Variants in SZT2 observed in about 807,000 individuals in gnomAD.
SZT2 encodes SZT2 subunit of KICSTOR complex.
A neutral mutation model predicts 404.2 loss-of-function variants in SZT2; 216 were observed. That is an observed-to-expected ratio of 0.53 (90% CI 0.48 to 0.60). The LOEUF is 0.60. Among genes scored for constraint, SZT2 ranks in the 20% least tolerant of loss-of-function variants. The pLI is 0.00. For missense variants in SZT2, 3,857 were observed against 4,459.2 expected (o/e 0.86, Z 3.85); for synonymous variants, 1,693 against 1,749.9 (o/e 0.97, Z 0.81).
chr1:43,451,294 A>T lies in SZT2; in HGVS notation c.*814A>T. On this transcript the variant is annotated 3_prime_UTR_variant, in exon 72 of 72. Coordinates refer to ENST00000634258, the MANE Select transcript of SZT2 (RefSeq NM_001365999.1). ...TCCCAGTATGAACGTAGCCAACTCA[A>T]GCCCTCTACTGTGTCTCCTGCAGGG... The T allele has an allele frequency of 6.2e-7, 1 of 1,613,980 alleles. No homozygotes were observed. Among genetic ancestry groups the T allele is most frequent in the South Asian group, 1.1e-5 (1 of 91,074 alleles).
At position 43,453,970 on chromosome 1, in the gene SZT2, G is replaced by A; in HGVS notation, c.*3490G>A. 1 of 1,192,674 alleles carries A rather than the reference G, an allele frequency of 8.4e-7. No individual in the cohort carries two copies. The highest frequency in any genetic ancestry group is 4.2e-5 in the South Asian group (1 of 24,078). The allele number at this position is 1,192,674 out of a possible 1,614,324, so 73.9% of individuals were successfully genotyped here. ...CGGGCCTTCACGAAAAGCGCCTACG[G>A]TTAGCGAGAGAGGGATCACGGGGAG... is the stretch of plus-strand genomic sequence containing the variant. On this transcript the variant is annotated 3_prime_UTR_variant, in exon 72 of 72. Coordinates refer to ENST00000634258, the MANE Select transcript of SZT2 (RefSeq NM_001365999.1).
chr1:43,421,050 C>T (rs928905460), intron 10 of SZT2, 67 bp downstream of exon 10: 56 of 1,592,448 alleles, frequency 3.5e-5, no homozygotes, highest in African/African-American at 8.0e-5. Context: ...TTTGCAAAGG[C>T]GGGAGCTGGG....
At position 43,439,950 on chromosome 1, in the gene SZT2, A is replaced by T. The variant is rs1306918506; in HGVS notation, c.7112A>T (p.Glu2371Val). The T allele has an allele frequency of 1.2e-6, 2 of 1,613,954 alleles. No homozygotes were observed. Among genetic ancestry groups the T allele is most frequent in the Non-Finnish European group, 1.7e-6 (2 of 1,179,922 alleles). ...GGGAACATTAGTATTGTGCAGCTGG[A>T]GGAGAAACTCCGAGGAGCAGCTCGC... Reference protein sequence around the residue: ...EKGNISIVQLEEKLRGAARQA... With the variant: ...EKGNISIVQLVEKLRGAARQA... Residue 2371 changes from glutamate (E) to valine (V), a missense_variant, in exon 51 of 72, where the codon GAG becomes GTG. Glu to Val is a moderately radical substitution (Grantham distance 121). Transcript: ENST00000634258. This position sits in a 1 kb window ranked among gnomAD's most constrained non-coding sequence, Gnocchi z 4.2.
Position 43,451,255 on chromosome 1 carries a change from G to T in SZT2, c.*775G>T. ...GCGGGCCCTCACTGGCCAGCCTCTG[G>T]GTGGCCCCGCCTATCCCAGTATGAA... On this transcript the variant is annotated 3_prime_UTR_variant, in exon 72 of 72. Transcript: ENST00000634258. The T allele has an allele frequency of 1.2e-6, 2 of 1,614,064 alleles. No homozygotes were observed. Among genetic ancestry groups the T allele is most frequent in the South Asian group, 1.1e-5 (1 of 91,092 alleles).
In SZT2 at chr1:43,431,341, G is replaced by A. The variant is rs892465059; in HGVS notation, c.4993G>A (p.Gly1665Arg). ...PSSLRSDDGL[G>R]PPLPPPEEER... is the part of the protein sequence containing the mutation. ...ATCTTTAAGGTCAGATGATGGCCTC[G>A]GGCCCCCACTGCCACCCCCAGAAGA... The change falls in exon 34 of 72, where the codon GGG (glycine) becomes AGG (arginine). Residue 1665 changes from glycine to arginine, a missense_variant. Coordinates refer to ENST00000634258, the MANE Select transcript of SZT2 (RefSeq NM_001365999.1). 8.7e-6 allele frequency: 14 copies of A among 1,612,308 alleles called. No homozygotes were observed. The Admixed American group carries it at 1.3e-4, about 15-fold the overall frequency.
Position 43,425,382 on chromosome 1 carries a change from G to A in SZT2, c.2646-92G>A, listed in dbSNP as rs890946491. 1.4e-5 allele frequency: 22 copies of A among 1,567,280 alleles called. No homozygotes were observed. In the East Asian group the frequency reaches 2.5e-4, roughly 18 times the overall value. On this transcript the variant is annotated intron_variant, in intron 18 of 71. Coordinates refer to ENST00000634258, the MANE Select transcript of SZT2 (RefSeq NM_001365999.1). This position sits in a 1 kb window ranked among gnomAD's most constrained non-coding sequence, Gnocchi z 4.3. ...GGTCTGGGAAGGCCTTGTATGACTC[G>A]TGGCTGTCCTCTGTGCCTGCCTCCT...
chr1:43,431,356 C>T lies in SZT2; in HGVS notation c.5008C>T (p.Pro1670Ser). Residue 1670 changes from proline (P) to serine (S), a missense_variant, in exon 34 of 72, where the codon CCC (proline) becomes TCC (serine). Physicochemically the swap from Pro to Ser is moderately conservative, Grantham distance 74 (BLOSUM62 -1). Transcript: ENST00000634258. Reference protein sequence around the residue: ...SDDGLGPPLPPPEEERHPGLS... With the variant: ...SDDGLGPPLPSPEEERHPGLS... ...TGATGGCCTCGGGCCCCCACTGCCA[C>T]CCCCAGAAGAGGAGAGGTACTTCTT... 6.2e-7 allele frequency: 1 copy of T among 1,611,890 alleles called. No individual in the cohort carries two copies.
Position 43,443,005 on chromosome 1 carries a change from C to T in SZT2, c.8338C>T (p.Leu2780Phe). 2 of 1,614,142 alleles carry T rather than the reference C, an allele frequency of 1.2e-6. No homozygotes were observed. Among genetic ancestry groups the T allele is most frequent in the Non-Finnish European group, 1.7e-6 (2 of 1,180,004 alleles). ...CACGGCTGCCCGCCCCAGCTCCGTA[C>T]TTGGTCCTGTGCCCAGACCTCCTGA... ...DITAARPSSV[L>F]GPVPRPPDPV... is the part of the protein sequence containing the mutation. Residue 2780 changes from leucine (L) to phenylalanine (F), a missense_variant, in exon 59 of 72, where the codon CTT becomes TTT. By Grantham distance (22) the Leu-to-Phe change is conservative. This residue lies in a region of SZT2 where 717 missense variants were observed against 868.2 expected (regional missense o/e 0.83). Coordinates refer to ENST00000634258, the MANE Select transcript of SZT2 (RefSeq NM_001365999.1).
In SZT2 at chr1:43,433,208, C is replaced by T. The variant is rs1654109233; in HGVS notation, c.5804+18C>T. The T allele has an allele frequency of 1.2e-6, 2 of 1,610,760 alleles. No homozygotes were observed. Among genetic ancestry groups the T allele is most frequent in the Non-Finnish European group, 8.5e-7 (1 of 1,179,400 alleles). ...CATGCACGGTAAGTAGAAGCCAGGG[C>T]CTGCACCCTCATGCTCCCATTAACC... is the stretch of plus-strand genomic sequence containing the variant. On this transcript the variant is annotated intron_variant, in intron 40 of 71. Coordinates refer to ENST00000634258, the MANE Select transcript of SZT2 (RefSeq NM_001365999.1).
Position 43,450,869 on chromosome 1 carries a change from T to A in SZT2, c.*389T>A, listed in dbSNP as rs774149731. ...GACCACTGTCAGCCACCTGTGTCCC[T>A]TGAGCCTTCGGGTCTTCACTTCCCA... On this transcript the variant is annotated 3_prime_UTR_variant, in exon 72 of 72. Coordinates refer to ENST00000634258, the MANE Select transcript of SZT2 (RefSeq NM_001365999.1). The surrounding 1 kb of genome is among the most constrained non-coding windows in gnomAD (Gnocchi z 4.3). The A allele has an allele frequency of 2.8e-6, 2 of 721,792 alleles. No homozygotes were observed. Among genetic ancestry groups the A allele is most frequent in the East Asian group, 5.4e-5 (2 of 37,002 alleles). 44.7% of individuals were successfully genotyped at this position (721,792 alleles called of 1,614,324 possible).
intron 4 of SZT2, chr1:43,406,018 G>C (rs190682665): frequency 6.5e-6 from 1 of 153,728 alleles, no homozygotes; most frequent in Non-Finnish European, 1.5e-5. Flanking sequence ...CAGGTGCTAT[G>C]GGAGCACCAA....
At position 43,419,912 on chromosome 1, in the gene SZT2, G is replaced by C. The variant is rs980021508; in HGVS notation, c.1058G>C (p.Ser353Thr). 1.9e-6 allele frequency: 3 copies of C among 1,598,238 alleles called. No homozygotes were observed. The highest frequency in any genetic ancestry group is 2.5e-6 in the Non-Finnish European group (3 of 1,179,750). The change falls in exon 8 of 72, where the codon AGT becomes ACT. Residue 353 changes from serine to threonine, a missense_variant. Ser to Thr is a moderately conservative substitution (Grantham distance 58). This residue lies in a region of SZT2 where 536 missense variants were observed against 637.4 expected (regional missense o/e 0.84). Transcript: ENST00000634258. The stretch of plus-strand genomic sequence containing the variant: ...TTTCTCCTCTATTCCTTCCTGCGCA[G>C]TGGGGAAGCACTGAACCCTGAATAT... ...RAFLLYSFLR[S>T]GEALNPEYYC...
In SZT2 at chr1:43,451,783, C is replaced by T. The variant is rs373025107; in HGVS notation, c.*1303C>T. 2.5e-5 allele frequency: 41 copies of T among 1,613,924 alleles called. No individual in the cohort carries two copies. The highest frequency in any genetic ancestry group is 4.0e-5 in the African/African-American group (3 of 74,912). On this transcript the variant is annotated 3_prime_UTR_variant, in exon 72 of 72. Transcript: ENST00000634258. ...CGCCCTCCTTCCGATCTGCGAAGTA[C>T]CCCCTTCCACTTACCATTTGTAATT...
In SZT2 at chr1:43,389,985, C is replaced by T; in HGVS notation, c.17C>T (p.Pro6Leu). ...GGCTGTGTGATGGCCTCGGAGCGCC[C>T]GGAGCCGGAGGTGAGGGGCGGGCGG... Reference protein sequence around the residue: MASERPEPEVEEAGQV... With the variant: MASERLEPEVEEAGQV... The change falls in exon 1 of 72, where the codon CCG becomes CTG. Residue 6 changes from proline to leucine, a missense_variant. This residue lies in a region of SZT2 where 536 missense variants were observed against 637.4 expected (regional missense o/e 0.84). Transcript: ENST00000634258. 2 of 1,394,000 alleles carry T rather than the reference C, an allele frequency of 1.4e-6. No homozygotes were observed. Among genetic ancestry groups the T allele is most frequent in the East Asian group, 2.9e-5 (1 of 34,268 alleles). The allele number at this position is 1,394,000 out of a possible 1,614,324, so 86.4% of individuals were successfully genotyped here.
intron 1 of SZT2, among the ~76,000 whole-genome samples, chr1:43,392,141 A>AAAAAAAAAAG (rs1648457318): frequency 6.6e-6 from 1 of 151,072 alleles, no homozygotes; most frequent in Non-Finnish European, 1.5e-5. Context: ...AACAAATGAA[A>AAAAAAAAAAG]TAAAATGTAA....
In SZT2 at chr1:43,442,621, G is replaced by A. The variant is rs766970596; in HGVS notation, c.8151+3G>A. 5.6e-5 allele frequency: 90 copies of A among 1,597,538 alleles called. No individual in the cohort carries two copies. The highest frequency in any genetic ancestry group is 7.5e-5 in the Non-Finnish European group (88 of 1,170,426). ...ACTTCCCCGTGCGAGATGAAAAGGT[G>A]CCTGCTGCTCTGGTTCTTCCTATAG... On this transcript the variant is annotated splice_donor_region_variant and intron_variant, in intron 58 of 71. Coordinates refer to ENST00000634258, the MANE Select transcript of SZT2 (RefSeq NM_001365999.1). This position sits in a 1 kb window ranked among gnomAD's most constrained non-coding sequence, Gnocchi z 4.5.
At position 43,431,364 on chromosome 1, in the gene SZT2, A is replaced by G; in HGVS notation, c.5016A>G (p.Glu1672=). The change falls in exon 34 of 72, where the codon GAA becomes GAG. Residue 1672 remains glutamate, a synonymous_variant. Coordinates refer to ENST00000634258, the MANE Select transcript of SZT2 (RefSeq NM_001365999.1). Reference sequence around the variant, plus strand: ...TCGGGCCCCCACTGCCACCCCCAGAAGAGGAGAGGTACTTCTTTATCTCCC... The same window carrying G: ...TCGGGCCCCCACTGCCACCCCCAGAGGAGGAGAGGTACTTCTTTATCTCCC... ...DGLGPPLPPP[E]EERHPGLSNL... The G allele has an allele frequency of 6.2e-7, 1 of 1,612,458 alleles. No homozygotes were observed. Among genetic ancestry groups the G allele is most frequent in the Non-Finnish European group, 8.5e-7 (1 of 1,178,628 alleles).
At chr1:43,390,150 C>T (rs1331824760) in intron 1 of SZT2, among the ~76,000 whole-genome samples, 155 bp downstream of exon 1, 2 of 152,214 alleles carry the variant, frequency 1.3e-5, no homozygotes, top group Non-Finnish European at 2.9e-5. Flanking sequence ...CTATGGTACC[C>T]CTGCGGACTG....
Position 43,448,650 on chromosome 1 carries a change from C to G in SZT2, c.10008C>G (p.Ser3336Arg), listed in dbSNP as rs1364273011. 4.3e-6 allele frequency: 7 copies of G among 1,614,086 alleles called. No individual in the cohort carries two copies. Among genetic ancestry groups the G allele is most frequent in the Non-Finnish European group, 5.1e-6 (6 of 1,180,044 alleles). ...CCATGACGGTCTCCTGGTACCAGAG[C>G]CTGATCAAAGTTCTCCTAAGCCGCT... ...FLSMTVSWYQ[S>R]LIKVLLSRFP... is the part of the protein sequence containing the mutation. The change falls in exon 70 of 72, where the codon AGC (serine) becomes AGG (arginine). Residue 3336 changes from serine to arginine, a missense_variant. Physicochemically the swap from Ser to Arg is moderately radical, Grantham distance 110. Coordinates refer to ENST00000634258, the MANE Select transcript of SZT2 (RefSeq NM_001365999.1). The surrounding 1 kb of genome is among the most constrained non-coding windows in gnomAD (Gnocchi z 4.2).
Sources: gnomAD v4.1 joint callset for allele counts (sites outside exome capture counted in the v4.1 genomes callset) on GRCh38, gnomAD v4.1.1 for gene constraint, gnomAD v4.1.1 regional missense constraint, Gnocchi (gnomAD v3.1) non-coding constraint, MANE v1.5 for transcripts, NCBI Gene and HGNC (gene_info 2026-07-23, HGNC 2026-07-21) for gene names.